Variants in PDXK observed in about 807,000 individuals in gnomAD.
PDXK encodes pyridoxal kinase, also known as epididymis secretory sperm binding protein Li 1a.
Under a neutral mutation model 43.2 loss-of-function variants are expected in PDXK, and 15 were observed. That is an observed-to-expected ratio of 0.35 (90% CI 0.23 to 0.53). PDXK has a LOEUF of 0.53. PDXK is among the 20% of genes least tolerant of loss of function. The probability of loss-of-function intolerance (pLI) is 0.92; values close to 1 mark genes in which losing one functional copy is unlikely to be tolerated. For synonymous variants in PDXK, 172 were observed against 165.4 expected (o/e 1.04, Z -0.31); for missense variants, 343 against 417.0 (o/e 0.82, Z 1.54).
intron 2 of PDXK, among the ~76,000 whole-genome samples, chr21:43,740,701 G>A (rs921789245): frequency 4.6e-5 from 7 of 151,848 alleles, no homozygotes; most frequent in Admixed American, 3.9e-4. Context: ...TGCCTGGGAC[G>A]GACACTTCAC....
intron 10 of PDXK, 21 bp from the exon 11 acceptor site, chr21:43,755,930 T>A: frequency 6.3e-7 from 1 of 1,575,396 alleles, no homozygotes. Flanking sequence ...GGGAACTCAG[T>A]GCTCTCTGCC....
Position 43,749,054 on chromosome 21 carries a change from T to C in PDXK, c.438T>C (p.Ile146=), listed in dbSNP as rs1378105899. 1.9e-5 allele frequency: 30 copies of C among 1,611,272 alleles called. No homozygotes were observed. Among genetic ancestry groups the C allele is most frequent in the South Asian group, 4.4e-5 (4 of 91,036 alleles). Residue 146 remains isoleucine (I), a synonymous_variant, in exon 6 of 11, where the codon ATT becomes ATC. Coordinates refer to ENST00000291565, the MANE Select transcript of PDXK (RefSeq NM_003681.5). ...YKEKVVPLAD[I]ITPNQFEAEL... ...AAAAAGTGGTGCCGCTTGCAGACAT[T>C]ATCACGCCCAACCAGTTTGAGGCCG... is the stretch of plus-strand genomic sequence containing the variant.
intron 9 of PDXK, among the ~76,000 whole-genome samples, chr21:43,755,155 G>C (rs150344978): frequency 6.6e-6 from 1 of 152,140 alleles, no homozygotes; most frequent in African/African-American, 2.4e-5. Context: ...CGAGTTCCCC[G>C]TGCTTCCCCA....
chr21:43,753,831 G>GTC, intron 9 of PDXK, 112 bp downstream of exon 9: 1 of 1,269,026 alleles, frequency 7.9e-7, no homozygotes, highest in Non-Finnish European at 1.1e-6. Context: ...GCATGGCCCT[G>GTC]AGTGCTGGCC....
In PDXK at chr21:43,756,077, T is replaced by C. The variant is rs7527; in HGVS notation, c.*14T>C. 755,306 of 1,506,342 alleles carry C rather than the reference T, an allele frequency of 0.5. 192,495 individuals are homozygous for C. Among genetic ancestry groups the C allele is most frequent in the East Asian group, 0.7 (30,383 of 43,410 alleles). The allele number at this position is 1,506,342 out of a possible 1,614,324, so 93.3% of individuals were successfully genotyped here. A position where few individuals can be genotyped will look rare whatever the true frequency, so the allele number is the denominator to read the frequency against. On this transcript the variant is annotated 3_prime_UTR_variant, in exon 11 of 11. Transcript: ENST00000291565. ...ACGGTGCTGTGAGGGCCCCGCCGCT[T>C]GCCCGTGACACGCAGCGCGTTGGTG...
chr21:43,724,142 G>A lies in PDXK; in HGVS notation c.87+4761G>A, dbSNP rs78655964. On this transcript the variant is annotated intron_variant, in intron 1 of 10. Coordinates refer to ENST00000291565, the MANE Select transcript of PDXK (RefSeq NM_003681.5). ...CATTCTTTCATTCTCGTGGTCCGTCGGTGCGGAGCAGACCTGAGACACCTG... is the reference window on the plus strand; with the variant it reads ...CATTCTTTCATTCTCGTGGTCCGTCAGTGCGGAGCAGACCTGAGACACCTG... 5.9e-3 allele frequency among the ~76,000 whole-genome samples: 903 copies of A among 152,314 alleles called. 11 individuals carry two copies. The highest frequency in any genetic ancestry group is 0.021 in the African/African-American group (855 of 41,574).
chr21:43,739,180 C>T (rs2147252323), intron 2 of PDXK, among the ~76,000 whole-genome samples: 1 of 152,252 alleles, frequency 6.6e-6, no homozygotes, highest in East Asian at 1.9e-4. Flanking sequence ...ACACACCACG[C>T]CCAGCTAATT....
chr21:43,725,931 C>T (rs1261761023), intron 1 of PDXK, among the ~76,000 whole-genome samples: 5 of 152,164 alleles, frequency 3.3e-5, no homozygotes, highest in East Asian at 1.9e-4. Flanking sequence ...ATGTTGGAGA[C>T]GCTTCTGAGT....
chr21:43,744,952 T>A (rs1169974264), intron 4 of PDXK, among the ~76,000 whole-genome samples: 1 of 152,192 alleles, frequency 6.6e-6, no homozygotes, highest in Non-Finnish European at 1.5e-5. Context: ...TCTGACACAC[T>A]CTGCAATGTG....
rs563081274 is a variant in PDXK, at chr21:43,740,377, C to T, written c.143-1290C>T. Among the ~76,000 whole-genome samples the T allele has an allele frequency of 2.1e-4, 32 of 152,136 alleles. 3 individuals are homozygous for T. The highest frequency in any genetic ancestry group is 2.6e-4 in the Non-Finnish European group (18 of 67,982). On this transcript the variant is annotated intron_variant, in intron 2 of 10. Transcript: ENST00000291565. The stretch of plus-strand genomic sequence containing the variant: ...TGGGCGCAGAGCCGGCCGTGACCCA[C>T]AAGTGCGTGATACTTGTACTTTGCT...
At position 43,760,941 on chromosome 21, in the gene PDXK, G is replaced by C. The variant is rs553276790; in HGVS notation, c.*4878G>C. 3 of 152,314 alleles carry C rather than the reference G, an allele frequency of 2.0e-5. No individual in the cohort carries two copies. The South Asian group carries it at 6.2e-4, about 32-fold the overall frequency. The allele number at this position is 152,314 out of a possible 1,614,324, so 9.4% of individuals were successfully genotyped here. A position where few individuals can be genotyped will look rare whatever the true frequency, so the allele number is the denominator to read the frequency against. On this transcript the variant is annotated 3_prime_UTR_variant, in exon 11 of 11. Transcript: ENST00000291565. ...TGCACAAAGACACTGGTTTTCAATC[G>C]GCGTCTAAAACCACGTTCCTGCCTT...
chr21:43,749,134 C>T (rs536267138), intron 6 of PDXK, 54 bp downstream of exon 6: 14 of 1,118,204 alleles, frequency 1.3e-5, no homozygotes, highest in East Asian at 5.2e-5. Context: ...AGATGGGTCT[C>T]GCTCTTGTCA....
chr21:43,732,739 TTTTTTA>T lies in PDXK; in HGVS notation c.88-1316_88-1311del, dbSNP rs922832055. The T allele has an allele frequency of 7.3e-6, 5 of 687,216 alleles. No homozygotes were observed. Among genetic ancestry groups the T allele is most frequent in the African/African-American group, 7.2e-5 (4 of 55,460 alleles). 42.6% of individuals were successfully genotyped at this position (687,216 alleles called of 1,614,324 possible). On this transcript the variant is annotated intron_variant, in intron 1 of 10. Coordinates refer to ENST00000291565, the MANE Select transcript of PDXK (RefSeq NM_003681.5). This position sits in a 1 kb window ranked among gnomAD's most constrained non-coding sequence, Gnocchi z 4.1. Reference sequence around the variant, plus strand: ...GTACATTTGCAAAGTGCCCATTTTATTTTTTATTTTTATTTTTATGTTTTTTGAGAC... The same window carrying T: ...GTACATTTGCAAAGTGCCCATTTTATTTTTTATTTTTATGTTTTTTGAGAC...
At chr21:43,750,477 G>T in intron 6 of PDXK, 23 bp from the exon 7 acceptor site, 2 of 1,601,598 alleles carry the variant, frequency 1.2e-6, no homozygotes, top group Non-Finnish European at 1.7e-6. Flanking sequence ...GTCCCCACCC[G>T]CCTGTCCCCG....
chr21:43,732,676 G>A lies in PDXK; in HGVS notation c.88-1393G>A. 1 of 775,862 alleles carries A rather than the reference G, an allele frequency of 1.3e-6. No individual in the cohort carries two copies. Among genetic ancestry groups the A allele is most frequent in the Non-Finnish European group, 2.4e-6 (1 of 416,140 alleles). 48.1% of individuals were successfully genotyped at this position (775,862 alleles called of 1,614,324 possible). On this transcript the variant is annotated intron_variant, in intron 1 of 10. Transcript: ENST00000291565. This position sits in a 1 kb window ranked among gnomAD's most constrained non-coding sequence, Gnocchi z 4.1. ...AGAATTTTAAAGGATTTGAAATACT[G>A]CAAGCTATCTGTGTATAGAGGCTGT...
At position 43,760,711 on chromosome 21, in the gene PDXK, G is replaced by T. The variant is rs1569000661; in HGVS notation, c.*4648G>T. ...GCCTGTGCCACGCTCCACAGTGCGT[G>T]GCTGGGCTCTGTGTGTGGCCTGTGT... On this transcript the variant is annotated 3_prime_UTR_variant, in exon 11 of 11. Transcript: ENST00000291565. The T allele has an allele frequency of 6.6e-6, 1 of 152,390 alleles. No individual in the cohort carries two copies. The highest frequency in any genetic ancestry group is 1.9e-4 in the East Asian group (1 of 5,178). 9.4% of individuals were successfully genotyped at this position (152,390 alleles called of 1,614,324 possible). A position where few individuals can be genotyped will look rare whatever the true frequency, so the allele number is the denominator to read the frequency against.
chr21:43,758,921 C>T lies in PDXK; in HGVS notation c.*2858C>T, dbSNP rs1308559595. 1 of 152,178 alleles carries T rather than the reference C, an allele frequency of 6.6e-6. No homozygotes were observed. The highest frequency in any genetic ancestry group is 1.5e-5 in the Non-Finnish European group (1 of 68,032). 9.4% of individuals were successfully genotyped at this position (152,178 alleles called of 1,614,324 possible). A position where few individuals can be genotyped will look rare whatever the true frequency, so the allele number is the denominator to read the frequency against. ...TTATTATGTGCATCTGTTATTTTTC[C>T]AATACATGTAAACAGTTGCAGCATG... On this transcript the variant is annotated 3_prime_UTR_variant, in exon 11 of 11. Transcript: ENST00000291565.
In PDXK at chr21:43,758,881, C is replaced by T. The variant is rs2083892479; in HGVS notation, c.*2818C>T. On this transcript the variant is annotated 3_prime_UTR_variant, in exon 11 of 11. Coordinates refer to ENST00000291565, the MANE Select transcript of PDXK (RefSeq NM_003681.5). ...TTTAAAATCGATTTTAAATTGTTGC[C>T]TAGTCCTGCCAAGGTTATTATGTGC... 1 of 152,192 alleles carries T rather than the reference C, an allele frequency of 6.6e-6. No individual in the cohort carries two copies. The highest frequency in any genetic ancestry group is 1.5e-5 in the Non-Finnish European group (1 of 68,032). 9.4% of individuals were successfully genotyped at this position (152,192 alleles called of 1,614,324 possible).
chr21:43,761,480 T>G lies in PDXK; in HGVS notation c.*5417T>G, dbSNP rs2083931155. 6.4e-6 allele frequency: 1 copy of G among 155,904 alleles called. No individual in the cohort carries two copies. Among genetic ancestry groups the G allele is most frequent in the Non-Finnish European group, 1.4e-5 (1 of 69,510 alleles). The allele number at this position is 155,904 out of a possible 1,614,324, so 9.7% of individuals were successfully genotyped here. A position where few individuals can be genotyped will look rare whatever the true frequency, so the allele number is the denominator to read the frequency against. On this transcript the variant is annotated 3_prime_UTR_variant, in exon 11 of 11. Coordinates refer to ENST00000291565, the MANE Select transcript of PDXK (RefSeq NM_003681.5). ...GGAGAATGCCGTCCTAAGCTTCTGC[T>G]TGGGGATCCCCCACACGACCTGGGT... is the stretch of plus-strand genomic sequence containing the variant.
Sources: gnomAD v4.1 joint callset for allele counts (sites outside exome capture counted in the v4.1 genomes callset) on GRCh38, gnomAD v4.1.1 for gene constraint, Gnocchi (gnomAD v3.1) non-coding constraint, MANE v1.5 for transcripts, NCBI Gene and HGNC (gene_info 2026-07-23, HGNC 2026-07-21) for gene names.